The following LRP1B variants were observed in gnomAD, a reference collection of about 807,000 sequenced individuals.
LRP1B encodes the protein low-density lipoprotein receptor-related protein 1B.
A neutral mutation model predicts 556.6 loss-of-function variants in LRP1B; 217 were observed. The observed-to-expected ratio is 0.39, with a 90% CI of 0.35 to 0.44. LRP1B has a LOEUF of 0.44. LRP1B is among the 20% of genes least tolerant of loss of function. The pLI is 1.00. For synonymous variants in LRP1B, 2,047 were observed against 1,865.8 expected, an observed-to-expected ratio of 1.10 and a Z score of -2.50; for missense variants, 5,053 against 5,620.8, an observed-to-expected ratio of 0.90 and a Z score of 3.23.
chr2:140,651,325 G>A (rs1356718790), intron 41 of LRP1B, among the ~76,000 whole-genome samples: 11 of 123,910 alleles, frequency 8.9e-5, no homozygotes, highest in African/African-American at 3.2e-4. Context: ...ACACAGGGAG[G>A]GGAATATCAC....
chr2:142,026,794 A>C (rs1703522758), intron 1 of LRP1B, among the ~76,000 whole-genome samples: 1 of 151,962 alleles, frequency 6.6e-6, no homozygotes, highest in African/African-American at 2.4e-5. Flanking sequence ...CAATTACATA[A>C]AAATATAAAC....
chr2:141,732,802 C>A (rs138078941), intron 2 of LRP1B, among the ~76,000 whole-genome samples: 12 of 151,914 alleles, frequency 7.9e-5, no homozygotes, highest in Non-Finnish European at 1.5e-5. Flanking sequence ...CATCTTAAAC[C>A]GCATAGACTA....
At chr2:140,792,791 T>C (rs567057582) in intron 32 of LRP1B, among the ~76,000 whole-genome samples, 5 of 152,212 alleles carry the variant, frequency 3.3e-5, no homozygotes, top group South Asian at 4.1e-4. Context: ...TGACAGAATA[T>C]GTATAGTAAC....
intron 1 of LRP1B, among the ~76,000 whole-genome samples, chr2:141,945,358 T>G (rs146931397): frequency 1.3e-5 from 2 of 152,176 alleles, no homozygotes; most frequent in Admixed American, 1.3e-4. Context: ...AGACATATTG[T>G]ACACATAGAG....
chr2:140,471,728 C>T (rs796436326), intron 60 of LRP1B, among the ~76,000 whole-genome samples: 6 of 152,270 alleles, frequency 3.9e-5, no homozygotes, highest in African/African-American at 1.4e-4. Flanking sequence ...AATAACAGCA[C>T]TCCATCAACT....
intron 29 of LRP1B, among the ~76,000 whole-genome samples, chr2:140,849,397 A>G (rs1692382634): frequency 1.3e-5 from 1 of 74,506 alleles, no homozygotes. Flanking sequence ...AACAAAAAAC[A>G]AAAAACAAAA....
intron 6 of LRP1B, among the ~76,000 whole-genome samples, chr2:141,209,314 G>T (rs762891253): frequency 1.3e-5 from 2 of 152,082 alleles, no homozygotes; most frequent in Non-Finnish European, 2.9e-5. Flanking sequence ...GTTTCATAAA[G>T]GGCTTTCTCC....
chr2:141,936,598 A>G (rs1249909269), intron 1 of LRP1B, among the ~76,000 whole-genome samples: 1 of 152,164 alleles, frequency 6.6e-6, no homozygotes, highest in Non-Finnish European at 1.5e-5. Flanking sequence ...TTGATCTGTA[A>G]TATTTTGTTA....
chr2:141,299,735 T>G (rs1380106739), intron 3 of LRP1B, among the ~76,000 whole-genome samples: 2 of 152,218 alleles, frequency 1.3e-5, no homozygotes, highest in African/African-American at 4.8e-5. Flanking sequence ...TTAATCACAC[T>G]TTAACATCCT....
At chr2:141,141,304 T>C (rs1360908247) in intron 7 of LRP1B, among the ~76,000 whole-genome samples, 1 of 152,188 alleles carries the variant, frequency 6.6e-6, no homozygotes, top group Non-Finnish European at 1.5e-5. Flanking sequence ...AACTATATTT[T>C]ATCTGTTTAA....
chr2:140,509,553 C>T (rs900724467), intron 52 of LRP1B, among the ~76,000 whole-genome samples: 4 of 152,130 alleles, frequency 2.6e-5, no homozygotes, highest in African/African-American at 9.7e-5. Context: ...TTCACAGAGT[C>T]TCTGTAACAG....
chr2:141,463,969 A>G (rs1207023106), intron 3 of LRP1B, among the ~76,000 whole-genome samples: 1 of 151,618 alleles, frequency 6.6e-6, no homozygotes. Context: ...CAGCCATTCA[A>G]GTTTGGCAGA....
At position 140,819,642 on chromosome 2, in the gene LRP1B, A is replaced by T. The variant is rs868828256; in HGVS notation, c.5210-5836T>A. On this transcript the variant is annotated intron_variant, in intron 31 of 90. Coordinates refer to ENST00000389484, the MANE Select transcript of LRP1B (RefSeq NM_018557.3). Reference sequence around the variant, plus strand: ...ACAAATGGCAAATAAACACATAAAAAGATGTTCAATATCATAGGAAAATGC... The same window carrying T: ...ACAAATGGCAAATAAACACATAAAATGATGTTCAATATCATAGGAAAATGC... Among the ~76,000 whole-genome samples the T allele has an allele frequency of 9.8e-5, 15 of 152,334 alleles. 1 individual carries two copies. Among genetic ancestry groups the T allele is most frequent in the Middle Eastern group, 6.8e-3 (2 of 294 alleles).
In LRP1B at chr2:141,332,802, C is replaced by T. The variant is rs1477312379; in HGVS notation, c.344-78161G>A. On this transcript the variant is annotated intron_variant, in intron 3 of 90. Transcript: ENST00000389484. Reference sequence around the variant, plus strand: ...AAGTCTTTTTGTATTCCATATCTGTCTTTTAAAAATGCAAAAAAAAAAAGA... The same window carrying T: ...AAGTCTTTTTGTATTCCATATCTGTTTTTTAAAAATGCAAAAAAAAAAAGA... 3.4e-5 allele frequency among the ~76,000 whole-genome samples: 4 copies of T among 116,694 alleles called. 1 individual carries two copies. The highest frequency in any genetic ancestry group is 1.5e-4 in the African/African-American group (4 of 27,332). 76.6% of individuals were successfully genotyped at this position (116,694 alleles called of 152,430 possible).
Position 141,368,827 on chromosome 2 carries a change from T to G in LRP1B, c.343+111569A>C, listed in dbSNP as rs72979100. 9.3e-3 allele frequency among the ~76,000 whole-genome samples: 1,418 copies of G among 152,310 alleles called. 17 individuals are homozygous for G. Among genetic ancestry groups the G allele is most frequent in the African/African-American group, 0.031 (1,298 of 41,580 alleles). On this transcript the variant is annotated intron_variant, in intron 3 of 90. Transcript: ENST00000389484. ...ACAATAAGTTCGATTGAGATACACT[T>G]CATTATTTAACACACAGGTGCATAG... is the stretch of plus-strand genomic sequence containing the variant.
rs141944959 is a variant in LRP1B at position 141,930,164 on chromosome 2, G to C, written c.83-119763C>G. Among the ~76,000 whole-genome samples, 15 of 152,038 alleles carry C rather than the reference G, an allele frequency of 9.9e-5. No individual in the cohort carries two copies. The East Asian group carries it at 2.9e-3, about 29-fold the overall frequency. Reference sequence around the variant, plus strand: ...ACATCTTGGATTTTAAATGCTTTAGGAATGTAAAATGCTGAAACTCTGGCT... The same window carrying C: ...ACATCTTGGATTTTAAATGCTTTAGCAATGTAAAATGCTGAAACTCTGGCT... On this transcript the variant is annotated intron_variant, in intron 1 of 90. Coordinates refer to ENST00000389484, the MANE Select transcript of LRP1B (RefSeq NM_018557.3).
intron 1 of LRP1B, among the ~76,000 whole-genome samples, chr2:141,989,318 C>T (rs866937038): frequency 5.9e-5 from 9 of 151,860 alleles, no homozygotes; most frequent in Middle Eastern, 6.8e-3. Context: ...ATGATTTCTT[C>T]CTCTGATGAC....
chr2:141,620,823 T>C (rs956150490), intron 2 of LRP1B, among the ~76,000 whole-genome samples: 2 of 152,164 alleles, frequency 1.3e-5, no homozygotes, highest in East Asian at 1.9e-4. Context: ...AGTTATAGTA[T>C]TGATTTTTTT....
chr2:140,819,174 A>G (rs1256180821), intron 31 of LRP1B, among the ~76,000 whole-genome samples: 1 of 152,080 alleles, frequency 6.6e-6, no homozygotes, highest in Non-Finnish European at 1.5e-5. Flanking sequence ...CATGAAATAA[A>G]TGTTAGCTAT....
Sources: allele counts gnomAD v4.1 joint callset (sites outside exome capture counted in the v4.1 genomes callset), GRCh38; gene constraint gnomAD v4.1.1; transcripts MANE v1.5; gene names NCBI Gene and HGNC (gene_info 2026-07-23, HGNC 2026-07-21).